Variants in CDC40 observed in about 807,000 individuals in gnomAD.
The protein encoded by CDC40 is pre-mRNA-processing factor 17.
A neutral mutation model predicts 80.6 loss-of-function variants in CDC40; 27 were observed. The observed-to-expected ratio is 0.33, with a 90% confidence interval of 0.25 to 0.46. The LOEUF is 0.46. CDC40 is among the 20% of genes least tolerant of loss of function. The pLI is 1.00. For synonymous variants in CDC40, 221 were observed against 232.6 expected (o/e 0.95, Z 0.45); for missense variants, 486 against 694.1 (o/e 0.70, Z 3.37).
At chr6:110,208,989 TA>T in intron 4 of CDC40, 94 bp from the exon 5 acceptor site, 1 of 804,676 alleles carries the variant, frequency 1.2e-6, no homozygotes. Flanking sequence ...TTTAACCATA[TA>T]AAATAAAATT....
intron 1 of CDC40, 43 bp from the exon 2 acceptor site, chr6:110,193,139 G>A: frequency 8.5e-7 from 1 of 1,180,098 alleles, no homozygotes; most frequent in East Asian, 2.3e-5. Context: ...AAATAAAATA[G>A]TCATTTATCA....
At chr6:110,217,139 T>G (rs1296028826) in intron 9 of CDC40, among the ~76,000 whole-genome samples, 2 of 152,170 alleles carry the variant, frequency 1.3e-5, no homozygotes, top group Admixed American at 6.5e-5. Context: ...CAAGCTAATA[T>G]AGTTTTCAGA....
At chr6:110,221,714 T>C (rs1000918955) in intron 12 of CDC40, among the ~76,000 whole-genome samples, 2 of 152,216 alleles carry the variant, frequency 1.3e-5, no homozygotes, top group Admixed American at 1.3e-4. Context: ...TATTTTCAAT[T>C]TTAAATATAG....
intron 11 of CDC40, 78 bp from the exon 12 acceptor site, chr6:110,219,658 T>C (rs1777743082): frequency 3.4e-6 from 5 of 1,487,668 alleles, no homozygotes; most frequent in Non-Finnish European, 4.6e-6. Context: ...ATCTTCTCCT[T>C]CTCCACTTTC....
intron 3 of CDC40, among the ~76,000 whole-genome samples, chr6:110,203,104 C>T (rs893222644): frequency 6.6e-6 from 1 of 152,048 alleles, no homozygotes; most frequent in Non-Finnish European, 1.5e-5. Context: ...TAGGTTTAAA[C>T]TGAGGTTTAA....
At position 110,228,343 on chromosome 6, in the gene CDC40, T is replaced by A. The variant is rs114317438; in HGVS notation, c.1418-489T>A. ...GAATCCTAAGTAGAGAAAAGCATTG[T>A]AGCCTTTTAAAAAGTTACTATAATT... is the stretch of plus-strand genomic sequence containing the variant. On this transcript the variant is annotated intron_variant, in intron 13 of 14. Coordinates refer to ENST00000307731, the MANE Select transcript of CDC40 (RefSeq NM_015891.3). Among the ~76,000 whole-genome samples the A allele has an allele frequency of 4.7e-3, 714 of 152,318 alleles. 3 individuals are homozygous for A. Among genetic ancestry groups the A allele is most frequent in the African/African-American group, 0.016 (684 of 41,574 alleles).
At chr6:110,229,066 C>T in intron 14 of CDC40, 90 bp downstream of exon 14, 2 of 1,030,078 alleles carry the variant, frequency 1.9e-6, no homozygotes, top group East Asian at 5.5e-5. Context: ...ATCACTCTCA[C>T]ATAATATGTT....
intron 12 of CDC40, among the ~76,000 whole-genome samples, chr6:110,225,436 A>G (rs1412884337): frequency 6.7e-6 from 1 of 150,374 alleles, no homozygotes; most frequent in Non-Finnish European, 1.5e-5. Flanking sequence ...TCATTCTTTC[A>G]TCACTCACAT....
chr6:110,221,780 AG>A (rs1777779283), intron 12 of CDC40, among the ~76,000 whole-genome samples: 1 of 152,166 alleles, frequency 6.6e-6, no homozygotes, highest in Non-Finnish European at 1.5e-5. Context: ...ACAGGGCTTA[AG>A]GACATGTGTA....
chr6:110,188,030 A>T (rs888537154), intron 1 of CDC40, among the ~76,000 whole-genome samples: 57 of 152,174 alleles, frequency 3.7e-4, no homozygotes, highest in Non-Finnish European at 1.5e-4. Flanking sequence ...TTTGTTCTAT[A>T]ATTTTAGCAG....
intron 12 of CDC40, among the ~76,000 whole-genome samples, chr6:110,221,665 T>C (rs1777777867): frequency 6.6e-6 from 1 of 152,224 alleles, no homozygotes; most frequent in South Asian, 2.1e-4. Flanking sequence ...CTTTAACAGG[T>C]TGATCATACT....
At chr6:110,186,228 A>G (rs1190305292) in intron 1 of CDC40, among the ~76,000 whole-genome samples, 3 of 152,120 alleles carry the variant, frequency 2.0e-5, no homozygotes, top group Non-Finnish European at 2.9e-5. Context: ...AAATGCTTTC[A>G]GTTTTAGTTT....
At chr6:110,199,919 T>C (rs959703356) in intron 2 of CDC40, among the ~76,000 whole-genome samples, 4 of 152,090 alleles carry the variant, frequency 2.6e-5, no homozygotes. Flanking sequence ...TCTAGGAAAC[T>C]TTTAAATCAT....
intron 3 of CDC40, among the ~76,000 whole-genome samples, chr6:110,203,341 C>T (rs961688424): frequency 1.3e-5 from 2 of 152,158 alleles, no homozygotes; most frequent in East Asian, 3.9e-4. Flanking sequence ...TACCAGATTC[C>T]TATCAACTTT....
At chr6:110,193,735 C>T (rs80099082) in intron 2 of CDC40, among the ~76,000 whole-genome samples, 30,938 of 152,074 alleles carry the variant, frequency 0.2, 4,349 homozygotes, top group African/African-American at 0.4. Flanking sequence ...TCCAAAAGTT[C>T]AGGTAGTGTG....
chr6:110,221,450 A>G (rs1017874924), intron 12 of CDC40, among the ~76,000 whole-genome samples: 7 of 152,298 alleles, frequency 4.6e-5, no homozygotes, highest in Non-Finnish European at 8.8e-5. Flanking sequence ...CACCACCACT[A>G]TACCCCTTCA....
rs1475784540 is a variant in CDC40, at chr6:110,201,453, T to C, written c.277-105T>C. ...GCTAATGTGTTCCCAGATAGGTTAA[T>C]AGGCCCTTTTTTTGTACAGTTATTC... is the stretch of plus-strand genomic sequence containing the variant. On this transcript the variant is annotated intron_variant, in intron 2 of 14. Coordinates refer to ENST00000307731, the MANE Select transcript of CDC40 (RefSeq NM_015891.3). The C allele has an allele frequency of 5.0e-6, 4 of 792,458 alleles. No individual in the cohort carries two copies. The East Asian group carries it at 8.4e-5, about 17-fold the overall frequency. 49.1% of individuals were successfully genotyped at this position (792,458 alleles called of 1,614,324 possible). A position where few individuals can be genotyped will look rare whatever the true frequency, so the allele number is the denominator to read the frequency against.
Position 110,232,190 on chromosome 6 carries a change from A to G in CDC40, c.*2059A>G, listed in dbSNP as rs994046359. The G allele has an allele frequency of 6.6e-6, 1 of 152,640 alleles. No individual in the cohort carries two copies. The allele number at this position is 152,640 out of a possible 1,614,324, so 9.5% of individuals were successfully genotyped here. A position where few individuals can be genotyped will look rare whatever the true frequency, so the allele number is the denominator to read the frequency against. On this transcript the variant is annotated 3_prime_UTR_variant, in exon 15 of 15. Coordinates refer to ENST00000307731, the MANE Select transcript of CDC40 (RefSeq NM_015891.3). ...TAAAAGTCTCCTTTTTAAAAAGATC[A>G]TATTTTTAAATAAAGCATTTTTTGT...
intron 12 of CDC40, among the ~76,000 whole-genome samples, chr6:110,221,149 C>A (rs990016634): frequency 6.6e-6 from 1 of 152,190 alleles, no homozygotes; most frequent in Non-Finnish European, 1.5e-5. Flanking sequence ...AAAATGCTTA[C>A]TAACCTTTTT....
Sources: gnomAD v4.1 joint callset for allele counts (sites outside exome capture counted in the v4.1 genomes callset) on GRCh38, gnomAD v4.1.1 for gene constraint, MANE v1.5 for transcripts, NCBI Gene and HGNC (gene_info 2026-07-23, HGNC 2026-07-21) for gene names.